GALNT12: variants seen among roughly 807,000 people sequenced by gnomAD.
The protein encoded by GALNT12 is UDP-GalNAc:polypeptide N-acetylgalactosaminyltransferase 12.
In GALNT12, 45 loss-of-function variants were observed where a neutral mutation model predicts 55.5. The ratio of observed to expected loss-of-function variants is 0.81; its 90% confidence interval spans 0.64 to 1.04. GALNT12 has a LOEUF of 1.04. Ranked by LOEUF, GALNT12 falls within the 50% of genes least tolerant of loss-of-function variation. GALNT12 has a pLI of 0.00. For synonymous variants in GALNT12, 304 were observed against 312.2 expected, an observed-to-expected ratio of 0.97 and a Z score of 0.28; for missense variants, 709 against 754.8, an observed-to-expected ratio of 0.94 and a Z score of 0.71.
chr9:98,831,470 A>C (rs1835990089), intron 3 of GALNT12, among the ~76,000 whole-genome samples: 1 of 152,198 alleles, frequency 6.6e-6, no homozygotes, highest in Non-Finnish European at 1.5e-5. Context: ...AACCTCTTGC[A>C]CTTCTGAGAA....
In GALNT12 at chr9:98,831,754, T is replaced by A; in HGVS notation, c.732-18T>A. 1 of 1,614,154 alleles carries A rather than the reference T, an allele frequency of 6.2e-7. No homozygotes were observed. The highest frequency in any genetic ancestry group is 1.3e-5 in the African/African-American group (1 of 75,052). Reference sequence around the variant, plus strand: ...CGTCTGCATAGGAGAGACGGATGGATGTCTTGGGTGCTTTCAGGATCCATG... The same window carrying A: ...CGTCTGCATAGGAGAGACGGATGGAAGTCTTGGGTGCTTTCAGGATCCATG... On this transcript the variant is annotated intron_variant, in intron 3 of 9. Coordinates refer to ENST00000375011, the MANE Select transcript of GALNT12 (RefSeq NM_024642.5).
At chr9:98,821,918 T>C (rs1835751206) in intron 1 of GALNT12, among the ~76,000 whole-genome samples, 1 of 152,220 alleles carries the variant, frequency 6.6e-6, no homozygotes, top group Non-Finnish European at 1.5e-5. Flanking sequence ...TTTGTTTGTT[T>C]AGTTGATTAC....
chr9:98,845,935 A>G (rs1836401793), intron 8 of GALNT12, 42 bp from the exon 9 acceptor site: 1 of 1,608,442 alleles, frequency 6.2e-7, no homozygotes. Context: ...TTCCCACATC[A>G]GTGGAAAATG....
chr9:98,836,926 C>G lies in GALNT12; in HGVS notation c.1036-46C>G. 3 of 1,599,032 alleles carry G rather than the reference C, an allele frequency of 1.9e-6. No individual in the cohort carries two copies. In the South Asian group the frequency reaches 3.3e-5, roughly 18 times the overall value. ...TGCTGCAGATACTATGGACCCGCAG[C>G]TCATCCCCTGCTCACCACCTGGCCT... On this transcript the variant is annotated intron_variant, in intron 5 of 9. Transcript: ENST00000375011.
At chr9:98,818,068 A>G (rs989207060) in intron 1 of GALNT12, among the ~76,000 whole-genome samples, 27 of 152,178 alleles carry the variant, frequency 1.8e-4, no homozygotes, top group African/African-American at 6.0e-4. Flanking sequence ...ATAATATTAT[A>G]TACATTTGAG....
intron 1 of GALNT12, among the ~76,000 whole-genome samples, chr9:98,820,713 C>A (rs775570898): frequency 7.2e-5 from 11 of 152,232 alleles, no homozygotes; most frequent in Non-Finnish European, 1.5e-4. Flanking sequence ...ACACTCCCAA[C>A]AACAGTGTAA....
chr9:98,820,257 C>T (rs1289684972), intron 1 of GALNT12, among the ~76,000 whole-genome samples: 2 of 152,176 alleles, frequency 1.3e-5, no homozygotes, highest in East Asian at 1.9e-4. Context: ...CTCCCACCCC[C>T]GACGACAGGC....
intron 1 of GALNT12, among the ~76,000 whole-genome samples, chr9:98,809,548 T>G (rs1835448643): frequency 6.6e-6 from 1 of 152,202 alleles, no homozygotes; most frequent in African/African-American, 2.4e-5. Flanking sequence ...AGCCTTGGTT[T>G]CCCTTCGTTT....
At chr9:98,815,106 C>T (rs777151761) in intron 1 of GALNT12, among the ~76,000 whole-genome samples, 26 of 152,226 alleles carry the variant, frequency 1.7e-4, no homozygotes, top group Non-Finnish European at 3.4e-4. Context: ...AAAAGATGCA[C>T]AGCTTTTTAT....
chr9:98,842,707 G>A (rs1428558767), intron 7 of GALNT12, among the ~76,000 whole-genome samples: 3 of 151,920 alleles, frequency 2.0e-5, no homozygotes, highest in South Asian at 2.1e-4. Flanking sequence ...GGATGCTGGC[G>A]GTGCCCGTTG....
rs1835411819 is a variant in GALNT12, at chr9:98,807,872, C to T, written c.174C>T (p.Pro58=). The change falls in exon 1 of 10, where the codon CCC becomes CCT. Residue 58 remains proline (P), a synonymous_variant. Transcript: ENST00000375011. ...AEPGPPRTPR[P]GRREPVMPRP... is the part of the protein sequence containing the mutation. ...CGGGACCCCCGCGCACCCCGCGCCC[C>T]GGGCGGCGCGAGCCGGTCATGCCGC... The T allele has an allele frequency of 7.8e-6, 8 of 1,026,974 alleles. No individual in the cohort carries two copies. Among genetic ancestry groups the T allele is most frequent in the Non-Finnish European group, 8.1e-6 (7 of 859,214 alleles). 63.6% of individuals were successfully genotyped at this position (1,026,974 alleles called of 1,614,324 possible).
chr9:98,822,584 A>G (rs2118350050), intron 1 of GALNT12, among the ~76,000 whole-genome samples: 1 of 152,318 alleles, frequency 6.6e-6, no homozygotes, highest in East Asian at 1.9e-4. Flanking sequence ...TGTCCTCTGT[A>G]GAGTCCTTCC....
At position 98,840,062 on chromosome 9, in the gene GALNT12, TTCAAG is replaced by T; in HGVS notation, c.1275_1279del (p.Phe425LeufsTer14). 1 of 1,614,182 alleles carries T rather than the reference TTCAAG, an allele frequency of 6.2e-7. No individual in the cohort carries two copies. The highest frequency in any genetic ancestry group is 8.5e-7 in the Non-Finnish European group (1 of 1,180,028). On this transcript the variant is annotated frameshift_variant, in exon 7 of 10. Coordinates refer to ENST00000375011, the MANE Select transcript of GALNT12 (RefSeq NM_024642.5). LOFTEE classifies it high-confidence loss of function. Reference sequence around the variant, plus strand: ...CCGGGACAAGCTCCAGTGTAAAGACTTCAAGTGGTTCTTGGAGACTGTGTATCCAG... The same window carrying T: ...CCGGGACAAGCTCCAGTGTAAAGACTTGGTTCTTGGAGACTGTGTATCCAG...
At chr9:98,846,151 C>A (rs751877685) in intron 9 of GALNT12, 28 bp downstream of exon 9, 5 of 1,613,252 alleles carry the variant, frequency 3.1e-6, no homozygotes, top group East Asian at 4.5e-5. Flanking sequence ...TTCCTTCCTG[C>A]TGACAGTCCC....
chr9:98,808,954 T>C (rs1303234341), intron 1 of GALNT12, among the ~76,000 whole-genome samples: 1 of 152,224 alleles, frequency 6.6e-6, no homozygotes, highest in Non-Finnish European at 1.5e-5. Flanking sequence ...GGGGTTCCCA[T>C]TGGAGCTGGT....
chr9:98,846,432 T>C (rs1324689850), intron 9 of GALNT12, among the ~76,000 whole-genome samples: 1 of 152,196 alleles, frequency 6.6e-6, no homozygotes, highest in Non-Finnish European at 1.5e-5. Flanking sequence ...AAACAGCTCT[T>C]ACAAATGCAT....
At chr9:98,821,256 G>A (rs1835727744) in intron 1 of GALNT12, among the ~76,000 whole-genome samples, 1 of 151,920 alleles carries the variant, frequency 6.6e-6, no homozygotes, top group African/African-American at 2.4e-5. Flanking sequence ...GTGATCTGCC[G>A]GCCTCAGCCT....
At chr9:98,838,380 G>T (rs1163684417) in intron 6 of GALNT12, among the ~76,000 whole-genome samples, 2 of 152,182 alleles carry the variant, frequency 1.3e-5, no homozygotes, top group Non-Finnish European at 2.9e-5. Context: ...TGGTGAAGGT[G>T]TGCCTGCAGT....
chr9:98,810,964 G>T lies in GALNT12; in HGVS notation c.371+2895G>T, dbSNP rs192194699. On this transcript the variant is annotated intron_variant, in intron 1 of 9. Coordinates refer to ENST00000375011, the MANE Select transcript of GALNT12 (RefSeq NM_024642.5). ...TATGACTAGCATCTCAGCAAAGAAG[G>T]TGAATTTTTACTCTGAGATGATAGC... Among the ~76,000 whole-genome samples the T allele has an allele frequency of 1.5e-3, 227 of 152,314 alleles. 3 individuals are homozygous for T. The highest frequency in any genetic ancestry group is 1.5e-4 in the Non-Finnish European group (10 of 68,030).
Sources: allele counts gnomAD v4.1 joint callset (sites outside exome capture counted in the v4.1 genomes callset), GRCh38; gene constraint gnomAD v4.1.1; transcripts MANE v1.5; gene names NCBI Gene and HGNC (gene_info 2026-07-23, HGNC 2026-07-21).